Variants in COA6 observed in about 807,000 individuals in gnomAD.
The protein encoded by COA6 is cytochrome c oxidase assembly factor 6 homolog.
A neutral mutation model predicts 17.1 loss-of-function variants in COA6; 12 were observed. That is an observed-to-expected ratio of 0.70 (90% confidence interval 0.45 to 1.14). The LOEUF (loss-of-function observed/expected upper bound fraction) is 1.14. COA6 is among the 50% of genes most tolerant of loss of function. The pLI is 0.00. For missense variants in COA6, 246 were observed against 196.5 expected (o/e 1.25, Z -1.51); for synonymous variants, 90 against 73.4 (o/e 1.23, Z -1.16).
In COA6 at chr1:234,383,814, C is replaced by T. The variant is rs778564299; in HGVS notation, c.464C>T (p.Ser155Phe). The T allele has an allele frequency of 6.5e-7, 1 of 1,535,696 alleles. No individual in the cohort carries two copies. Among genetic ancestry groups the T allele is most frequent in the South Asian group, 1.2e-5 (1 of 86,000 alleles). The part of the protein sequence containing the change: ...QFEPSETTAK[S>F] Reference sequence around the variant, plus strand: ...GAGCCTTCAGAAACAACTGCAAAATCCTAGGCTGTTCATAAAGATTGAAAG... The same window carrying T: ...GAGCCTTCAGAAACAACTGCAAAATTCTAGGCTGTTCATAAAGATTGAAAG... The change falls in exon 3 of 3, where the codon TCC becomes TTC. Residue 155 changes from serine to phenylalanine, a missense_variant. Transcript: ENST00000366615.
At position 234,383,950 on chromosome 1, in the gene COA6, A is replaced by C; in HGVS notation, c.*132A>C. The C allele has an allele frequency of 2.1e-6, 1 of 467,962 alleles. No individual in the cohort carries two copies. The highest frequency in any genetic ancestry group is 2.0e-5 in the African/African-American group (1 of 50,222). 29.0% of individuals were successfully genotyped at this position (467,962 alleles called of 1,614,324 possible). ...TATACGACACTTGATAATTAAGATG[A>C]TCAAGAACCAGAAGATCTGTGAAGA... On this transcript the variant is annotated 3_prime_UTR_variant, in exon 3 of 3. Transcript: ENST00000366615.
At chr1:234,375,287 A>G (rs1558124203) in intron 2 of COA6, among the ~76,000 whole-genome samples, 2 of 152,218 alleles carry the variant, frequency 1.3e-5, no homozygotes, top group Non-Finnish European at 2.9e-5. Flanking sequence ...AGCCTGGGCC[A>G]CAGAGCGAGA....
intron 2 of COA6, among the ~76,000 whole-genome samples, chr1:234,382,082 T>C (rs1450738104): frequency 1.3e-5 from 2 of 152,162 alleles, no homozygotes; most frequent in African/African-American, 4.8e-5. Context: ...TGTGGGCATC[T>C]TACCAACAAA....
intron 2 of COA6, among the ~76,000 whole-genome samples, chr1:234,383,064 G>GAGGGAAGGAAGGGA (rs369256610): frequency 1.9e-3 from 209 of 112,184 alleles, no homozygotes; most frequent in Non-Finnish European, 2.7e-3. Context: ...GGGAGGGAGG[G>GAGGGAAGGAAGGGA]AGGGAAGGGA....
Position 234,374,420 on chromosome 1 carries a change from C to T in COA6, c.372+31C>T, listed in dbSNP as rs748779140. On this transcript the variant is annotated intron_variant, in intron 2 of 2. Transcript: ENST00000366615. Reference sequence around the variant, plus strand: ...TCACACTTTGATGTGTTTCTCTTCCCTGTTAAGATACATCGAGCTTATACT... The same window carrying T: ...TCACACTTTGATGTGTTTCTCTTCCTTGTTAAGATACATCGAGCTTATACT... The T allele has an allele frequency of 2.6e-5, 42 of 1,610,298 alleles. No homozygotes were observed. In the East Asian group the frequency reaches 9.4e-4, roughly 36 times the overall value.
At chr1:234,378,233 T>C (rs1470863948) in intron 2 of COA6, among the ~76,000 whole-genome samples, 1 of 152,216 alleles carries the variant, frequency 6.6e-6, no homozygotes, top group Admixed American at 6.5e-5. Flanking sequence ...CCATGGTCAT[T>C]TTTTTGGTGC....
At position 234,374,119 on chromosome 1, in the gene COA6, T is replaced by G. The variant is rs45577939; in HGVS notation, c.213-111T>G. 436,468 of 1,080,914 alleles carry G rather than the reference T, an allele frequency of 0.4. 83,810 individuals are homozygous for G. The highest frequency in any genetic ancestry group is 0.65 in the African/African-American group (39,457 of 60,658). The allele number at this position is 1,080,914 out of a possible 1,614,324, so 67.0% of individuals were successfully genotyped here. On this transcript the variant is annotated intron_variant, in intron 1 of 2. Transcript: ENST00000366615. Reference sequence around the variant, plus strand: ...TGGTTTTGTTTTGTTTTTGTTTTTTTTTTTTTTTTTAGTTTTAAAGGAAGA... The same window carrying G: ...TGGTTTTGTTTTGTTTTTGTTTTTTGTTTTTTTTTTAGTTTTAAAGGAAGA...
At chr1:234,379,853 C>T (rs560830042) in intron 2 of COA6, among the ~76,000 whole-genome samples, 19 of 152,108 alleles carry the variant, frequency 1.2e-4, no homozygotes, top group African/African-American at 2.4e-4. Flanking sequence ...GAAACTACCC[C>T]GGTGATTCAG....
intron 2 of COA6, among the ~76,000 whole-genome samples, chr1:234,383,055 G>C (rs1659021861): frequency 8.1e-6 from 1 of 124,194 alleles, no homozygotes; most frequent in African/African-American, 2.9e-5. Context: ...AGGGAGGGAG[G>C]GAGGGAGGGA....
intron 2 of COA6, among the ~76,000 whole-genome samples, chr1:234,375,696 C>T (rs1239329432): frequency 6.6e-6 from 1 of 152,144 alleles, no homozygotes; most frequent in Non-Finnish European, 1.5e-5. Flanking sequence ...ATCTGTCACC[C>T]TGGCTTGAGT....
intron 2 of COA6, among the ~76,000 whole-genome samples, chr1:234,377,059 CGAGAGAGAGAGAGAGAGAG>C (rs1658820995): frequency 3.6e-5 from 3 of 82,638 alleles, no homozygotes; most frequent in Non-Finnish European, 4.7e-5. Context: ...GCTGTGTTGC[CGAGAGAGAGAGAGAGAGAG>C]AGAGAGAGAG....
chr1:234,374,106 G>GTTTTTTT, intron 1 of COA6, 124 bp from the exon 2 acceptor site: 1 of 997,662 alleles, frequency 1.0e-6, no homozygotes, highest in Middle Eastern at 3.3e-4. Context: ...GTTTTGTTTT[G>GTTTTTTT]TTTTTGTTTT....
At position 234,384,016 on chromosome 1, in the gene COA6, A is replaced by G. The variant is rs916438503; in HGVS notation, c.*198A>G. On this transcript the variant is annotated 3_prime_UTR_variant, in exon 3 of 3. Coordinates refer to ENST00000366615, the MANE Select transcript of COA6 (RefSeq NM_001206641.3). ...TATTTAGTAAGAAATCTCTATTTTA[A>G]GAAAAAAAGTAAAACCTGTTATAAA... is the stretch of plus-strand genomic sequence containing the variant. 2.3e-6 allele frequency: 1 copy of G among 432,552 alleles called. No individual in the cohort carries two copies. The highest frequency in any genetic ancestry group is 4.2e-6 in the Non-Finnish European group (1 of 237,650). The allele number at this position is 432,552 out of a possible 1,614,324, so 26.8% of individuals were successfully genotyped here. A position where few individuals can be genotyped will look rare whatever the true frequency, so the allele number is the denominator to read the frequency against.
intron 2 of COA6, among the ~76,000 whole-genome samples, chr1:234,382,722 G>C (rs1161285154): frequency 6.6e-6 from 1 of 152,124 alleles, no homozygotes; most frequent in Non-Finnish European, 1.5e-5. Flanking sequence ...TAAGAAAAAT[G>C]GTCCAGGCTC....
chr1:234,374,920 G>T (rs530672120), intron 2 of COA6, among the ~76,000 whole-genome samples: 1 of 152,272 alleles, frequency 6.6e-6, no homozygotes, highest in South Asian at 2.1e-4. Context: ...ATTGGAAAGA[G>T]GACTATTACT....
intron 2 of COA6, among the ~76,000 whole-genome samples, chr1:234,376,760 G>A (rs1385588530): frequency 6.6e-6 from 1 of 152,086 alleles, no homozygotes; most frequent in African/African-American, 2.4e-5. Context: ...CTTCATTCGC[G>A]TCTAGCAGCC....
At chr1:234,380,847 A>C (rs1361954809) in intron 2 of COA6, among the ~76,000 whole-genome samples, 1 of 152,172 alleles carries the variant, frequency 6.6e-6, no homozygotes, top group African/African-American at 2.4e-5. Flanking sequence ...TAAAAATACG[A>C]AAATTAGCCA....
At chr1:234,379,086 C>G (rs1283091794) in intron 2 of COA6, among the ~76,000 whole-genome samples, 1 of 149,444 alleles carries the variant, frequency 6.7e-6, no homozygotes, top group Admixed American at 6.7e-5. Flanking sequence ...TGCCATGTTG[C>G]CCAGGCTGGT....
At chr1:234,379,902 A>G (rs922053707) in intron 2 of COA6, among the ~76,000 whole-genome samples, 3 of 152,214 alleles carry the variant, frequency 2.0e-5, no homozygotes, top group African/African-American at 7.2e-5. Context: ...AGTGGCGATT[A>G]TGGGGATTAC....
Sources: allele counts gnomAD v4.1 joint callset (sites outside exome capture counted in the v4.1 genomes callset), GRCh38; gene constraint gnomAD v4.1.1; transcripts MANE v1.5; gene names NCBI Gene and HGNC (gene_info 2026-07-23, HGNC 2026-07-21).